MAST2: variants seen among roughly 807,000 people sequenced by gnomAD.
The protein encoded by MAST2 is microtubule-associated serine/threonine-protein kinase 2.
Under a neutral mutation model 147.4 loss-of-function variants are expected in MAST2, and 70 were observed. That is an observed-to-expected ratio of 0.47 (90% confidence interval 0.39 to 0.58). The LOEUF (loss-of-function observed/expected upper bound fraction) is 0.58, where lower values mean the gene tolerates loss of function less well. Among genes scored for constraint, MAST2 ranks in the 20% least tolerant of loss-of-function variants. The pLI is 0.00. For missense variants in MAST2, 2,080 were observed against 2,302.3 expected (o/e 0.90, Z 1.98); for synonymous variants, 869 against 896.8 (o/e 0.97, Z 0.55).
chr1:45,912,693 C>G (rs1328926112), intron 4 of MAST2, among the ~76,000 whole-genome samples: 1 of 152,216 alleles, frequency 6.6e-6, no homozygotes, highest in Admixed American at 6.5e-5. Flanking sequence ...CTCTTTGGCT[C>G]TCTTAGCTGC....
chr1:45,903,126 CTTTTTT>C (rs34621764), intron 4 of MAST2, among the ~76,000 whole-genome samples: 2 of 79,324 alleles, frequency 2.5e-5, no homozygotes, highest in Non-Finnish European at 4.4e-5. Context: ...AAATTTTTGT[CTTTTTT>C]TTTTTTTTTT....
chr1:46,023,199 A>C lies in MAST2; in HGVS notation c.1486-34A>C, dbSNP rs1235867999. 1.9e-6 allele frequency: 3 copies of C among 1,579,324 alleles called. No individual in the cohort carries two copies. Among genetic ancestry groups the C allele is most frequent in the Non-Finnish European group, 1.7e-6 (2 of 1,148,380 alleles). On this transcript the variant is annotated intron_variant, in intron 13 of 28. Coordinates refer to ENST00000361297, the MANE Select transcript of MAST2 (RefSeq NM_015112.3). The surrounding 1 kb of genome is among the most constrained non-coding windows in gnomAD (Gnocchi z 4.9). ...TGCAAGGATATGGGCTCTGAGAAGC[A>C]TGCCTGTCTCCTGCCTTTTCCCTTG...
At chr1:46,016,905 T>C (rs1028499939) in intron 10 of MAST2, among the ~76,000 whole-genome samples, 31 of 151,988 alleles carry the variant, frequency 2.0e-4, no homozygotes, top group Non-Finnish European at 2.4e-4. Flanking sequence ...GGAGGCATCA[T>C]GCTACCTGAC....
intron 1 of MAST2, among the ~76,000 whole-genome samples, chr1:45,810,640 C>T (rs889658202): frequency 3.3e-5 from 5 of 150,852 alleles, no homozygotes; most frequent in Admixed American, 6.6e-5. Context: ...GATGAAACCC[C>T]ATCTCTACTA....
At chr1:45,807,621 A>T (rs1199699704) in intron 1 of MAST2, among the ~76,000 whole-genome samples, 3 of 151,666 alleles carry the variant, frequency 2.0e-5, no homozygotes, top group Non-Finnish European at 4.4e-5. Context: ...AGCTCACTGC[A>T]ACCTTCGCCT....
At chr1:45,935,504 A>G (rs1202334542) in intron 4 of MAST2, among the ~76,000 whole-genome samples, 1 of 152,072 alleles carries the variant, frequency 6.6e-6, no homozygotes, top group African/African-American at 2.4e-5. Flanking sequence ...TAGGGTTTCT[A>G]CTAGGGTTGT....
At chr1:45,964,746 C>G (rs1457632056) in intron 5 of MAST2, among the ~76,000 whole-genome samples, 2 of 152,050 alleles carry the variant, frequency 1.3e-5, no homozygotes, top group Admixed American at 1.3e-4. Context: ...TTAGTTATTT[C>G]TTGCCTTTTG....
intron 15 of MAST2, 52 bp from the exon 16 acceptor site, chr1:46,025,625 G>T: frequency 6.2e-7 from 1 of 1,610,942 alleles, no homozygotes; most frequent in Non-Finnish European, 8.5e-7. Flanking sequence ...GAGCTGGCTA[G>T]CTAGAGCAGG....
chr1:46,034,593 A>T lies in MAST2; in HGVS notation c.3924A>T (p.Pro1308=). The change falls in exon 29 of 29, where the codon CCA becomes CCT. Residue 1308 remains proline, a synonymous_variant. Transcript: ENST00000361297. ...SSPSSSVPSS[P]AGSGHTRPSS... The stretch of plus-strand genomic sequence containing the variant: ...CCAGCTCCAGCGTGCCCAGTTCCCC[A>T]GCCGGCTCTGGGCACACACGGCCCA... The T allele has an allele frequency of 6.2e-7, 1 of 1,614,062 alleles. No individual in the cohort carries two copies. Among genetic ancestry groups the T allele is most frequent in the Non-Finnish European group, 8.5e-7 (1 of 1,180,004 alleles).
chr1:45,966,427 A>AAC lies in MAST2; in HGVS notation c.592+6951_592+6952insCA, dbSNP rs199730366. 4.1e-3 allele frequency among the ~76,000 whole-genome samples: 554 copies of AAC among 135,102 alleles called. 3 individuals are homozygous for AAC. The highest frequency in any genetic ancestry group is 0.015 in the Admixed American group (197 of 13,448). The allele number at this position is 135,102 out of a possible 152,430, so 88.6% of individuals were successfully genotyped here. On this transcript the variant is annotated intron_variant, in intron 5 of 28. Coordinates refer to ENST00000361297, the MANE Select transcript of MAST2 (RefSeq NM_015112.3). ...TAAGAGTGTATTTGATTTTGTAAAA[A>AAC]AAAAAAAAAAAAAAACTCTTCAAGC...
At chr1:46,018,239 T>C (rs562024534) in intron 10 of MAST2, among the ~76,000 whole-genome samples, 28 of 152,094 alleles carry the variant, frequency 1.8e-4, no homozygotes, top group Non-Finnish European at 3.2e-4. Context: ...CTCCACTCTC[T>C]CTCTGATGTC....
At chr1:45,882,202 A>AT (rs1646883027) in intron 3 of MAST2, among the ~76,000 whole-genome samples, 162 bp from the exon 4 acceptor site, 1 of 128,282 alleles carries the variant, frequency 7.8e-6, no homozygotes, top group Admixed American at 8.4e-5. Context: ...AAAAAAAAAA[A>AT]AAAATAAATA....
At chr1:46,027,925 C>T in intron 17 of MAST2, 62 bp downstream of exon 17, 1 of 1,588,260 alleles carries the variant, frequency 6.3e-7, no homozygotes. Flanking sequence ...GGCGCAGTGT[C>T]TTACGCCCGT....
At chr1:45,856,845 G>A (rs1363735114) in intron 3 of MAST2, among the ~76,000 whole-genome samples, 1 of 152,000 alleles carries the variant, frequency 6.6e-6, no homozygotes, top group Non-Finnish European at 1.5e-5. Context: ...AGTGGGCTGG[G>A]CTGAGCTGGG....
chr1:45,965,967 A>T (rs1459042258), intron 5 of MAST2, among the ~76,000 whole-genome samples: 1 of 152,144 alleles, frequency 6.6e-6, no homozygotes, highest in South Asian at 2.1e-4. Context: ...ATCATTTACC[A>T]TTATAGTATC....
At chr1:46,013,715 C>T (rs1434001157) in intron 10 of MAST2, among the ~76,000 whole-genome samples, 2 of 151,780 alleles carry the variant, frequency 1.3e-5, no homozygotes, top group African/African-American at 4.8e-5. Context: ...AGACACAGAG[C>T]CTCTTTACTC....
rs377744990 is a variant in MAST2, at chr1:45,913,426, C to A, written c.500+31031C>A. Among the ~76,000 whole-genome samples, 3 of 152,170 alleles carry A rather than the reference C, an allele frequency of 2.0e-5. No individual in the cohort carries two copies. The East Asian group carries it at 5.8e-4, about 29-fold the overall frequency. On this transcript the variant is annotated intron_variant, in intron 4 of 28. Transcript: ENST00000361297. Reference sequence around the variant, plus strand: ...TCAAGTTGCTATGTATAATTTCTGCCAGAGTTTTTACTGCCGCCAGGCCTC... The same window carrying A: ...TCAAGTTGCTATGTATAATTTCTGCAAGAGTTTTTACTGCCGCCAGGCCTC...
At chr1:45,949,828 T>C (rs1428343620) in intron 4 of MAST2, among the ~76,000 whole-genome samples, 1 of 152,184 alleles carries the variant, frequency 6.6e-6, no homozygotes, top group Non-Finnish European at 1.5e-5. Context: ...TAAATGCCCA[T>C]TAATGATAGA....
chr1:45,993,301 A>C (rs1644920030), intron 5 of MAST2, among the ~76,000 whole-genome samples: 1 of 151,976 alleles, frequency 6.6e-6, no homozygotes, highest in Non-Finnish European at 1.5e-5. Context: ...TTTTTAAAAC[A>C]TTTTTTTGTA....
Sources: gnomAD v4.1 joint callset for allele counts (sites outside exome capture counted in the v4.1 genomes callset) on GRCh38, gnomAD v4.1.1 for gene constraint, Gnocchi (gnomAD v3.1) non-coding constraint, MANE v1.5 for transcripts, NCBI Gene and HGNC (gene_info 2026-07-23, HGNC 2026-07-21) for gene names.